Variants in ITGA11 observed in about 807,000 individuals in gnomAD.
The protein encoded by ITGA11 is integrin alpha-11.
A neutral mutation model predicts 141.9 loss-of-function variants in ITGA11; 97 were observed. That is an observed-to-expected ratio of 0.68 (90% CI 0.58 to 0.81). The LOEUF (loss-of-function observed/expected upper bound fraction) is 0.81. ITGA11 is among the 30% of genes least tolerant of loss of function. ITGA11 has a pLI of 0.00. For synonymous variants in ITGA11, 658 were observed against 624.6 expected, an observed-to-expected ratio of 1.05 and a Z score of -0.80; for missense variants, 1,387 against 1,559.2, an observed-to-expected ratio of 0.89 and a Z score of 1.86.
intron 2 of ITGA11, among the ~76,000 whole-genome samples, chr15:68,390,858 C>T (rs1390125859): frequency 2.0e-5 from 3 of 152,216 alleles, no homozygotes; most frequent in African/African-American, 2.4e-5. Flanking sequence ...TCTTCTTCCA[C>T]GTGGCAGAGG....
chr15:68,426,726 T>G (rs1193268302), intron 1 of ITGA11, among the ~76,000 whole-genome samples: 1 of 151,740 alleles, frequency 6.6e-6, no homozygotes, highest in African/African-American at 2.4e-5. Context: ...CTGAAGAGAG[T>G]ATGGTGCATG....
At chr15:68,376,226 CTCT>C (rs1385217446) in intron 2 of ITGA11, among the ~76,000 whole-genome samples, 2 of 43,988 alleles carry the variant, frequency 4.5e-5, no homozygotes, top group Admixed American at 5.9e-4. Context: ...TTGTTCTCCT[CTCT>C]TTTTTTTTTC....
chr15:68,408,133 G>A (rs111321566), intron 1 of ITGA11, among the ~76,000 whole-genome samples: 267 of 152,198 alleles, frequency 1.8e-3, no homozygotes, highest in African/African-American at 6.2e-3. Context: ...CCAGATGCAC[G>A]TTGCTTCCTC....
At position 68,361,130 on chromosome 15, in the gene ITGA11, C is replaced by A. The variant is rs367987596; in HGVS notation, c.472+460G>T. On this transcript the variant is annotated intron_variant, in intron 5 of 29. Transcript: ENST00000315757. Reference sequence around the variant, plus strand: ...CAGAACTCCCTGCTGTCCAGGAGCACTGATTTGGTGGAACTACTACCAAGG... The same window carrying A: ...CAGAACTCCCTGCTGTCCAGGAGCAATGATTTGGTGGAACTACTACCAAGG... Among the ~76,000 whole-genome samples, 12 of 152,290 alleles carry A rather than the reference C, an allele frequency of 7.9e-5. No individual in the cohort carries two copies. In the South Asian group the frequency reaches 2.1e-3, roughly 26 times the overall value.
rs373351885 is a variant in ITGA11 at position 68,331,024 on chromosome 15, T to C, written c.1858A>G (p.Ile620Val). 1.5e-5 allele frequency: 25 copies of C among 1,613,712 alleles called. No homozygotes were observed. The highest frequency in any genetic ancestry group is 1.2e-4 in the African/African-American group (9 of 75,016). Residue 620 changes from isoleucine to valine, a missense_variant, in exon 15 of 30, where the codon ATC becomes GTC. Ile to Val is a conservative substitution (Grantham distance 29, BLOSUM62 3). Coordinates refer to ENST00000315757, the MANE Select transcript of ITGA11 (RefSeq NM_001004439.2). ...CCAAGGGCTCCCACTGCCAGGTCGA[T>C]GAGCCCATCCTCATTGAGGTCCAAT... ...GQLDLNEDGL[I>V]DLAVGALGNA...
chr15:68,310,281 G>A (rs991729518), intron 26 of ITGA11, among the ~76,000 whole-genome samples: 2 of 152,178 alleles, frequency 1.3e-5, no homozygotes, highest in African/African-American at 4.8e-5. Flanking sequence ...AATTTATTAG[G>A]TGAAAGTTAC....
intron 2 of ITGA11, among the ~76,000 whole-genome samples, chr15:68,380,756 T>C (rs188865326): frequency 1.1e-4 from 17 of 152,170 alleles, no homozygotes; most frequent in African/African-American, 4.1e-4. Flanking sequence ...GGGCCTGAGG[T>C]GGGATCTGGA....
chr15:68,321,404 A>C lies in ITGA11; in HGVS notation c.2408+14T>G. 6.5e-7 allele frequency: 1 copy of C among 1,542,604 alleles called. No homozygotes were observed. On this transcript the variant is annotated intron_variant, in intron 19 of 29. Coordinates refer to ENST00000315757, the MANE Select transcript of ITGA11 (RefSeq NM_001004439.2). The surrounding 1 kb of genome is among the most constrained non-coding windows in gnomAD (Gnocchi z 4.9). The stretch of plus-strand genomic sequence containing the variant: ...GGGAAGGGGCGAGGGTGGGGGTGGA[A>C]GGAGCCAACTCACATGGCCGTGGGC...
intron 2 of ITGA11, among the ~76,000 whole-genome samples, chr15:68,393,229 A>T (rs1896158965): frequency 1.3e-5 from 2 of 152,210 alleles, no homozygotes; most frequent in South Asian, 4.1e-4. Context: ...GAACAGAAAT[A>T]TGAGAAATAT....
chr15:68,413,082 T>C (rs1215923189), intron 1 of ITGA11, among the ~76,000 whole-genome samples: 1 of 152,132 alleles, frequency 6.6e-6, no homozygotes, highest in Non-Finnish European at 1.5e-5. Flanking sequence ...GAACAAAATA[T>C]ATACATGAAA....
chr15:68,360,363 T>G (rs1429702242), intron 5 of ITGA11, among the ~76,000 whole-genome samples: 1 of 152,190 alleles, frequency 6.6e-6, no homozygotes, highest in Non-Finnish European at 1.5e-5. Context: ...TATTGTTGAT[T>G]TCTTTCTTAC....
chr15:68,356,401 G>T (rs1476039504), intron 7 of ITGA11, among the ~76,000 whole-genome samples: 1 of 151,858 alleles, frequency 6.6e-6, no homozygotes, highest in Admixed American at 6.6e-5. Context: ...ACCACTCCTG[G>T]CCGAGTTCTG....
chr15:68,388,101 C>G (rs1156724018), intron 2 of ITGA11, among the ~76,000 whole-genome samples: 1 of 152,186 alleles, frequency 6.6e-6, no homozygotes, highest in Non-Finnish European at 1.5e-5. Flanking sequence ...AAAGCCTGCA[C>G]CCTGTTGCTG....
chr15:68,410,081 CACA>C (rs938642685), intron 1 of ITGA11, among the ~76,000 whole-genome samples: 32 of 152,204 alleles, frequency 2.1e-4, no homozygotes, highest in African/African-American at 7.2e-4. Context: ...ACTCCTTGAT[CACA>C]ACAAGTGGAA....
At chr15:68,375,836 A>T (rs574783434) in intron 2 of ITGA11, among the ~76,000 whole-genome samples, 1 of 151,956 alleles carries the variant, frequency 6.6e-6, no homozygotes, top group African/African-American at 2.4e-5. Flanking sequence ...TGTTTCTGTG[A>T]GGGTGTTTTT....
chr15:68,357,245 A>G lies in ITGA11; in HGVS notation c.655T>C (p.Tyr219His). The change falls in exon 7 of 30, where the codon TAC (tyrosine) becomes CAC (histidine). Residue 219 changes from tyrosine (Y) to histidine (H), a missense_variant. Tyr to His is a moderately conservative substitution (Grantham distance 83, BLOSUM62 2). Coordinates refer to ENST00000315757, the MANE Select transcript of ITGA11 (RefSeq NM_001004439.2). Reference sequence around the variant, plus strand: ...TCCACCACATCTTTTACAGACCTGTAGTCGTTGAGGTGAAACTCATGCACC... The same window carrying G: ...TCCACCACATCTTTTACAGACCTGTGGTCGTTGAGGTGAAACTCATGCACC... ...DVVHEFHLND[Y>H]RSVKDVVEAA... 6.2e-7 allele frequency: 1 copy of G among 1,613,934 alleles called. No individual in the cohort carries two copies. The highest frequency in any genetic ancestry group is 1.1e-5 in the South Asian group (1 of 91,076).
chr15:68,368,316 G>A (rs1282262589), intron 3 of ITGA11, among the ~76,000 whole-genome samples: 2 of 152,198 alleles, frequency 1.3e-5, no homozygotes, highest in Non-Finnish European at 2.9e-5. Context: ...ATTGCAGCTT[G>A]TCAGCCAAAA....
At chr15:68,390,784 T>C (rs926670411) in intron 2 of ITGA11, among the ~76,000 whole-genome samples, 1 of 152,226 alleles carries the variant, frequency 6.6e-6, no homozygotes, top group African/African-American at 2.4e-5. Flanking sequence ...ACAGGTATGC[T>C]CATTCCTATT....
At chr15:68,346,413 C>T (rs192543603) in intron 10 of ITGA11, among the ~76,000 whole-genome samples, 262 of 152,214 alleles carry the variant, frequency 1.7e-3, no homozygotes, top group African/African-American at 5.9e-3. Context: ...TTAGATTCCC[C>T]GATTCCTAGG....
Sources: gnomAD v4.1 joint callset for allele counts (sites outside exome capture counted in the v4.1 genomes callset) on GRCh38, gnomAD v4.1.1 for gene constraint, Gnocchi (gnomAD v3.1) non-coding constraint, MANE v1.5 for transcripts, NCBI Gene and HGNC (gene_info 2026-07-23, HGNC 2026-07-21) for gene names.